AGBL1: variants seen among roughly 807,000 people sequenced by gnomAD.
AGBL1 encodes AGBL carboxypeptidase 1.
Under a neutral mutation model 118.9 loss-of-function variants are expected in AGBL1, and 130 were observed. The ratio of observed to expected loss-of-function variants is 1.09; its 90% CI spans 0.95 to 1.26. AGBL1 has a LOEUF of 1.26. Ranked by LOEUF, AGBL1 falls within the 50% of genes most tolerant of loss-of-function variation. The pLI is 0.00. For missense variants in AGBL1, 1,584 were observed against 1,298.1 expected, an observed-to-expected ratio of 1.22 and a Z score of -3.38; for synonymous variants, 555 against 478.9, an observed-to-expected ratio of 1.16 and a Z score of -2.08.
intron 22 of AGBL1, among the ~76,000 whole-genome samples, chr15:86,675,683 C>T (rs938976238): frequency 5.3e-5 from 8 of 152,152 alleles, no homozygotes; most frequent in South Asian, 2.1e-4. Flanking sequence ...CAAGCGCTTC[C>T]ACCTGCCAGC....
intron 17 of AGBL1, among the ~76,000 whole-genome samples, chr15:86,309,283 A>C (rs929757264): frequency 6.6e-6 from 1 of 152,228 alleles, no homozygotes; most frequent in Non-Finnish European, 1.5e-5. Context: ...TACCAAATTT[A>C]TTAGTTGTAG....
intron 5 of AGBL1, among the ~76,000 whole-genome samples, chr15:86,218,063 T>C (rs2078218812): frequency 6.6e-6 from 1 of 152,194 alleles, no homozygotes. Context: ...TAATTATATT[T>C]TCTAATATAC....
intron 20 of AGBL1, among the ~76,000 whole-genome samples, chr15:86,551,842 G>A (rs1487934470): frequency 2.6e-5 from 4 of 152,034 alleles, no homozygotes; most frequent in Non-Finnish European, 1.5e-5. Context: ...GAAGAGACAC[G>A]GAAGAACCTT....
chr15:86,119,615 G>C (rs1242990003), intron 1 of AGBL1, among the ~76,000 whole-genome samples: 1 of 151,922 alleles, frequency 6.6e-6, no homozygotes, highest in African/African-American at 2.4e-5. Context: ...ACAATGGCTA[G>C]GTGGTATAAA....
intron 21 of AGBL1, among the ~76,000 whole-genome samples, chr15:86,641,560 A>C (rs1397255473): frequency 1.3e-5 from 2 of 152,142 alleles, no homozygotes; most frequent in African/African-American, 4.8e-5. Flanking sequence ...GTATATATTT[A>C]ATATTTAATC....
chr15:86,795,191 C>T (rs557949543), intron 22 of AGBL1, among the ~76,000 whole-genome samples: 50 of 152,266 alleles, frequency 3.3e-4, no homozygotes, highest in African/African-American at 1.1e-3. Context: ...ATTGCCAGAT[C>T]GTCAATTTCC....
At chr15:86,894,436 C>T (rs146029245) in intron 22 of AGBL1, among the ~76,000 whole-genome samples, 2 of 152,074 alleles carry the variant, frequency 1.3e-5, no homozygotes, top group Non-Finnish European at 2.9e-5. Context: ...AGCAACTCTG[C>T]ATGACGTTGG....
chr15:86,698,709 A>G (rs1329587171), intron 22 of AGBL1, among the ~76,000 whole-genome samples: 1 of 151,016 alleles, frequency 6.6e-6, no homozygotes, highest in Admixed American at 6.6e-5. Context: ...TACTCTGCCT[A>G]TCTAGTGCTG....
chr15:86,803,086 G>C (rs1050462816), intron 22 of AGBL1, among the ~76,000 whole-genome samples: 1 of 152,084 alleles, frequency 6.6e-6, no homozygotes, highest in Admixed American at 6.6e-5. Flanking sequence ...CCATAGTATG[G>C]TGAAGAATTT....
chr15:86,234,482 C>T (rs914829050), intron 6 of AGBL1, among the ~76,000 whole-genome samples: 3 of 140,116 alleles, frequency 2.1e-5, no homozygotes, highest in Admixed American at 7.8e-5. Flanking sequence ...ACTCTGGAGG[C>T]GGAGGTTGCA....
intron 18 of AGBL1, among the ~76,000 whole-genome samples, chr15:86,468,052 T>C (rs2082429206): frequency 6.6e-6 from 1 of 152,092 alleles, no homozygotes; most frequent in Non-Finnish European, 1.5e-5. Flanking sequence ...GGGGCAGGAA[T>C]ATGACTTAAA....
chr15:86,526,569 TATATAC>T (rs752677407), intron 19 of AGBL1, among the ~76,000 whole-genome samples: 3,225 of 133,904 alleles, frequency 0.024, 69 homozygotes, highest in Middle Eastern at 0.073. Flanking sequence ...TATATATATA[TATATAC>T]ACACAGAGTA....
At chr15:86,362,658 G>A (rs2080822591) in intron 17 of AGBL1, among the ~76,000 whole-genome samples, 1 of 152,314 alleles carries the variant, frequency 6.6e-6, no homozygotes, top group East Asian at 1.9e-4. Flanking sequence ...CTGAGACTGA[G>A]GTGGGAGGGC....
chr15:86,771,686 A>G (rs1022830767), intron 22 of AGBL1, among the ~76,000 whole-genome samples: 9 of 152,008 alleles, frequency 5.9e-5, no homozygotes, highest in African/African-American at 2.2e-4. Context: ...TGCTTGTCAG[A>G]CATTCAGGGA....
At chr15:86,382,409 A>G (rs2081125040) in intron 17 of AGBL1, among the ~76,000 whole-genome samples, 1 of 152,208 alleles carries the variant, frequency 6.6e-6, no homozygotes, top group African/African-American at 2.4e-5. Context: ...CTCTCTGACC[A>G]GACCTGCTCC....
At chr15:86,694,621 C>T (rs1266687969) in intron 22 of AGBL1, among the ~76,000 whole-genome samples, 1 of 151,854 alleles carries the variant, frequency 6.6e-6, no homozygotes, top group Non-Finnish European at 1.5e-5. Flanking sequence ...GACTAGGACT[C>T]CCAGTTCTGT....
intron 22 of AGBL1, among the ~76,000 whole-genome samples, chr15:86,761,748 T>C (rs1311735406): frequency 6.6e-6 from 1 of 152,128 alleles, no homozygotes. Flanking sequence ...GTCAAATGGA[T>C]AGATTGCAAT....
At position 86,735,059 on chromosome 15, in the gene AGBL1, TCTTGG is replaced by T. The variant is rs1192741718; in HGVS notation, c.3158+60625_3158+60629del. Among the ~76,000 whole-genome samples, 1,094 of 150,180 alleles carry T rather than the reference TCTTGG, an allele frequency of 7.3e-3. 4 individuals are homozygous for T. Among genetic ancestry groups the T allele is most frequent in the African/African-American group, 0.023 (931 of 41,174 alleles). ...CTCAGTGTGAAATAAAGATGTTGTT[TCTTGG>T]CATATAGTTATAATAATAATTATTA... On this transcript the variant is annotated intron_variant, in intron 22 of 22. Transcript: ENST00000614907.
At chr15:86,408,795 A>G (rs966857123) in intron 18 of AGBL1, among the ~76,000 whole-genome samples, 1 of 152,116 alleles carries the variant, frequency 6.6e-6, no homozygotes, top group African/African-American at 2.4e-5. Flanking sequence ...CCTTTGCATT[A>G]CTTTCCTTAT....
Sources: gnomAD v4.1 joint callset for allele counts (sites outside exome capture counted in the v4.1 genomes callset) on GRCh38, gnomAD v4.1.1 for gene constraint, MANE v1.5 for transcripts, NCBI Gene and HGNC (gene_info 2026-07-23, HGNC 2026-07-21) for gene names.